The following RAB8B variants were observed in gnomAD, a reference collection of about 807,000 sequenced individuals.
RAB8B encodes the protein RAB8B, member RAS oncogene family.
Under a neutral mutation model 32.0 loss-of-function variants are expected in RAB8B, and 11 were observed. That is an observed-to-expected ratio of 0.34 (90% CI 0.22 to 0.57). RAB8B has a LOEUF of 0.57. RAB8B is among the 20% of genes least tolerant of loss of function. The probability of loss-of-function intolerance (pLI) is 0.86; values close to 1 mark genes in which losing one functional copy is unlikely to be tolerated. For missense variants in RAB8B, 190 were observed against 258.5 expected (o/e 0.73, Z 1.82); for synonymous variants, 103 against 89.6 (o/e 1.15, Z -0.85).
chr15:63,202,089 T>TAA (rs146981058), intron 1 of RAB8B, among the ~76,000 whole-genome samples: 12 of 85,748 alleles, frequency 1.4e-4, no homozygotes, highest in African/African-American at 2.3e-4. Context: ...CCGTCTCTAC[T>TAA]AAAAAAAAAA....
At chr15:63,230,274 T>G (rs2037925074) in intron 1 of RAB8B, among the ~76,000 whole-genome samples, 2 of 152,188 alleles carry the variant, frequency 1.3e-5, no homozygotes, top group South Asian at 4.1e-4. Flanking sequence ...GCAGTTATGT[T>G]TGTTTATTTT....
Position 63,194,857 on chromosome 15 carries a change from C to G in RAB8B, c.124+5109C>G, listed in dbSNP as rs546265839. Among the ~76,000 whole-genome samples the G allele has an allele frequency of 4.6e-5, 7 of 152,258 alleles. No homozygotes were observed. In the South Asian group the frequency reaches 1.0e-3, roughly 23 times the overall value. On this transcript the variant is annotated intron_variant, in intron 1 of 7. Coordinates refer to ENST00000321437, the MANE Select transcript of RAB8B (RefSeq NM_016530.3). ...AAATAAAGCAATATGCAAAAGAGACCATATGTATCCCACAAAGCTTAAAAA... is the reference window on the plus strand; with the variant it reads ...AAATAAAGCAATATGCAAAAGAGACGATATGTATCCCACAAAGCTTAAAAA...
intron 1 of RAB8B, among the ~76,000 whole-genome samples, chr15:63,218,321 T>C (rs1223157964): frequency 6.6e-6 from 1 of 152,238 alleles, no homozygotes; most frequent in Non-Finnish European, 1.5e-5. Flanking sequence ...ATTCAGTACC[T>C]ATCACAGTGC....
intron 1 of RAB8B, chr15:63,222,968 TAG>T: frequency 6.9e-6 from 3 of 437,192 alleles, no homozygotes; most frequent in South Asian, 4.9e-5. Context: ...ATAGTGTTTA[TAG>T]AGTCTACAGT....
At chr15:63,190,941 G>A (rs960955919) in intron 1 of RAB8B, among the ~76,000 whole-genome samples, 1 of 152,190 alleles carries the variant, frequency 6.6e-6, no homozygotes, top group Non-Finnish European at 1.5e-5. Flanking sequence ...CTGGCTGGGA[G>A]CTGTCCTTTC....
intron 1 of RAB8B, chr15:63,222,991 A>G (rs2141122863): frequency 2.6e-5 from 12 of 454,960 alleles, no homozygotes; most frequent in South Asian, 1.7e-4. Context: ...AGTGTACAGT[A>G]ATGTCCTAGG....
At chr15:63,249,534 T>A in intron 2 of RAB8B, 111 bp from the exon 3 acceptor site, 1 of 967,340 alleles carries the variant, frequency 1.0e-6, no homozygotes, top group South Asian at 1.5e-5. Context: ...TCCTTTCCTC[T>A]GTGACCACTG....
At chr15:63,262,798 A>G in intron 7 of RAB8B, 56 bp downstream of exon 7, 1 of 874,128 alleles carries the variant, frequency 1.1e-6, no homozygotes, top group Non-Finnish European at 1.6e-6. Context: ...GCATTTGATG[A>G]AAAGGATAGG....
intron 1 of RAB8B, among the ~76,000 whole-genome samples, chr15:63,238,436 C>T (rs1172210855): frequency 6.6e-6 from 1 of 152,110 alleles, no homozygotes; most frequent in Non-Finnish European, 1.5e-5. Context: ...ACTTGGGCTG[C>T]TCATTGTCCC....
chr15:63,231,499 TG>T (rs1555422935), intron 1 of RAB8B, among the ~76,000 whole-genome samples: 1,026 of 6,174 alleles, frequency 0.17, 19 homozygotes, highest in African/African-American at 0.22. Context: ...GCGTGTTTTT[TG>T]TTTTTTTTTT....
At chr15:63,196,792 A>G (rs1022483663) in intron 1 of RAB8B, among the ~76,000 whole-genome samples, 1 of 152,258 alleles carries the variant, frequency 6.6e-6, no homozygotes, top group Non-Finnish European at 1.5e-5. Context: ...ATAAAATGCT[A>G]CATATCTTTC....
intron 1 of RAB8B, among the ~76,000 whole-genome samples, chr15:63,240,257 C>T (rs1381586348): frequency 3.3e-5 from 5 of 152,114 alleles, no homozygotes; most frequent in Non-Finnish European, 7.4e-5. Flanking sequence ...GAGATGTTGG[C>T]ACAGTATCCT....
chr15:63,199,171 G>A (rs903774206), intron 1 of RAB8B, among the ~76,000 whole-genome samples: 1 of 152,194 alleles, frequency 6.6e-6, no homozygotes, highest in Non-Finnish European at 1.5e-5. Flanking sequence ...AGAGAGAGGG[G>A]ATTGGGTTGG....
At chr15:63,256,705 A>T in intron 5 of RAB8B, 111 bp downstream of exon 5, 1 of 757,816 alleles carries the variant, frequency 1.3e-6, no homozygotes, top group South Asian at 1.8e-5. Context: ...TAATCCCTTT[A>T]AATTGGATAT....
chr15:63,197,126 G>C (rs1009023016), intron 1 of RAB8B, among the ~76,000 whole-genome samples: 1 of 151,846 alleles, frequency 6.6e-6, no homozygotes, highest in Non-Finnish European at 1.5e-5. Context: ...TGGACTGAGC[G>C]TTTGGGTTGA....
chr15:63,249,958 A>G (rs2038102534), intron 3 of RAB8B, among the ~76,000 whole-genome samples: 1 of 151,406 alleles, frequency 6.6e-6, no homozygotes, highest in Admixed American at 6.6e-5. Flanking sequence ...AACAAGGTGA[A>G]ACCCCGTCTC....
chr15:63,263,781 G>A lies in RAB8B; in HGVS notation c.*162G>A. On this transcript the variant is annotated 3_prime_UTR_variant, in exon 8 of 8. Transcript: ENST00000321437. Reference sequence around the variant, plus strand: ...TATGCCAAGTGGATTCCAGCCTCATGGCCTAGCAAAAGAACAGACTCCCTT... The same window carrying A: ...TATGCCAAGTGGATTCCAGCCTCATAGCCTAGCAAAAGAACAGACTCCCTT... 1.9e-6 allele frequency: 1 copy of A among 526,916 alleles called. No homozygotes were observed. The highest frequency in any genetic ancestry group is 3.4e-6 in the Non-Finnish European group (1 of 298,068). 32.6% of individuals were successfully genotyped at this position (526,916 alleles called of 1,614,324 possible). A position where few individuals can be genotyped will look rare whatever the true frequency, so the allele number is the denominator to read the frequency against.
chr15:63,200,244 A>G (rs1292536340), intron 1 of RAB8B, among the ~76,000 whole-genome samples: 1 of 152,204 alleles, frequency 6.6e-6, no homozygotes, highest in East Asian at 1.9e-4. Context: ...TAGTGTTTTG[A>G]TGACATGAAG....
intron 1 of RAB8B, among the ~76,000 whole-genome samples, chr15:63,241,312 G>C (rs563632400): frequency 4.0e-4 from 61 of 152,290 alleles, no homozygotes; most frequent in Non-Finnish European, 7.8e-4. Context: ...TCGCGCCACT[G>C]CACTCCAGCC....
Sources: gnomAD v4.1 joint callset for allele counts (sites outside exome capture counted in the v4.1 genomes callset) on GRCh38, gnomAD v4.1.1 for gene constraint, MANE v1.5 for transcripts, NCBI Gene and HGNC (gene_info 2026-07-23, HGNC 2026-07-21) for gene names.